DYNC2H1: variants seen among roughly 807,000 people sequenced by gnomAD.
DYNC2H1 encodes cytoplasmic dynein 2 heavy chain 1.
DYNC2H1 carries 410 observed loss-of-function variants against 570.0 expected under a neutral mutation model. That is an observed-to-expected ratio of 0.72 (90% confidence interval 0.66 to 0.78). The LOEUF (loss-of-function observed/expected upper bound fraction) is 0.78. Ranked by LOEUF, DYNC2H1 falls within the 30% of genes least tolerant of loss-of-function variation. DYNC2H1 has a pLI of 0.00. For missense variants in DYNC2H1, 4,865 were observed against 5,046.4 expected, an observed-to-expected ratio of 0.96 and a Z score of 1.09; for synonymous variants, 1,688 against 1,677.6, an observed-to-expected ratio of 1.01 and a Z score of -0.15.
At chr11:103,315,648 C>G (rs1034022681) in intron 79 of DYNC2H1, among the ~76,000 whole-genome samples, 2 of 151,970 alleles carry the variant, frequency 1.3e-5, no homozygotes, top group African/African-American at 4.8e-5. Context: ...GGGTGACTTT[C>G]CCTCTCCTCT....
chr11:103,392,929 G>A (rs951657231), intron 83 of DYNC2H1, among the ~76,000 whole-genome samples: 1 of 150,830 alleles, frequency 6.6e-6, no homozygotes, highest in Non-Finnish European at 1.5e-5. Context: ...TGTCACCCAG[G>A]CTGGAGTGCA....
chr11:103,251,998 C>A (rs1407452345), intron 65 of DYNC2H1, among the ~76,000 whole-genome samples: 1 of 151,914 alleles, frequency 6.6e-6, no homozygotes, highest in Non-Finnish European at 1.5e-5. Flanking sequence ...ATCCATAGTT[C>A]ACTGTAACCT....
intron 65 of DYNC2H1, among the ~76,000 whole-genome samples, chr11:103,248,874 C>A (rs1328699841): frequency 6.6e-6 from 1 of 151,878 alleles, no homozygotes; most frequent in Non-Finnish European, 1.5e-5. Context: ...CCGTTGTACA[C>A]GTTGACTGAA....
In DYNC2H1 at chr11:103,368,973, A is replaced by G. The variant is rs1414500008; in HGVS notation, c.12156+10614A>G. Reference sequence around the variant, plus strand: ...ACCCTGCAAGGATACCAATTTAACTATCTGCACACACAAAAACCACCTTTA... The same window carrying G: ...ACCCTGCAAGGATACCAATTTAACTGTCTGCACACACAAAAACCACCTTTA... On this transcript the variant is annotated intron_variant, in intron 83 of 88. Coordinates refer to ENST00000375735, the MANE Select transcript of DYNC2H1 (RefSeq NM_001377.3). Among the ~76,000 whole-genome samples the G allele has an allele frequency of 4.6e-5, 7 of 152,270 alleles. No individual in the cohort carries two copies. In the South Asian group the frequency reaches 1.2e-3, roughly 27 times the overall value.
In DYNC2H1 at chr11:103,444,583, A is replaced by G. The variant is rs546323387; in HGVS notation, c.12456+8551A>G. On this transcript the variant is annotated intron_variant, in intron 85 of 88. Coordinates refer to ENST00000375735, the MANE Select transcript of DYNC2H1 (RefSeq NM_001377.3). ...TGAAAATGAATTAAACTTTATTTCT[A>G]ATACATATAAGGATGCTGTAAAGCA... Among the ~76,000 whole-genome samples, 6 of 152,334 alleles carry G rather than the reference A, an allele frequency of 3.9e-5. No homozygotes were observed. In the South Asian group the frequency reaches 1.2e-3, roughly 32 times the overall value.
chr11:103,371,734 T>C (rs544642668), intron 83 of DYNC2H1, among the ~76,000 whole-genome samples: 185 of 152,244 alleles, frequency 1.2e-3, no homozygotes, highest in African/African-American at 4.3e-3. Context: ...AGAAATTTTC[T>C]TGATTTTATT....
At chr11:103,416,120 A>G (rs896484098) in intron 84 of DYNC2H1, among the ~76,000 whole-genome samples, 2 of 152,144 alleles carry the variant, frequency 1.3e-5, no homozygotes, top group Non-Finnish European at 2.9e-5. Context: ...TGGACACAGG[A>G]AGGGAACCAT....
At chr11:103,322,960 A>G (rs1323503957) in intron 81 of DYNC2H1, among the ~76,000 whole-genome samples, 1 of 152,216 alleles carries the variant, frequency 6.6e-6, no homozygotes, top group African/African-American at 2.4e-5. Flanking sequence ...ATTTCAAAGA[A>G]CAGCATGACT....
chr11:103,198,808 G>A (rs1862604053), intron 48 of DYNC2H1, among the ~76,000 whole-genome samples: 1 of 152,048 alleles, frequency 6.6e-6, no homozygotes. Context: ...TCATTCCCAA[G>A]CAATGCGAAA....
At chr11:103,470,618 A>G (rs564359908) in intron 88 of DYNC2H1, among the ~76,000 whole-genome samples, 7 of 152,118 alleles carry the variant, frequency 4.6e-5, no homozygotes, top group African/African-American at 1.4e-4. Context: ...TCCTGTGTCC[A>G]TGTGTTCTCA....
rs201767058 is a variant in DYNC2H1 at position 103,439,936 on chromosome 11, CTG to C, written c.12456+3908_12456+3909del. Among the ~76,000 whole-genome samples, 1,500 of 152,188 alleles carry C rather than the reference CTG, an allele frequency of 9.9e-3. 25 individuals carry two copies. The highest frequency in any genetic ancestry group is 0.034 in the African/African-American group (1,420 of 41,528). On this transcript the variant is annotated intron_variant, in intron 85 of 88. Coordinates refer to ENST00000375735, the MANE Select transcript of DYNC2H1 (RefSeq NM_001377.3). The surrounding 1 kb of genome is among the most constrained non-coding windows in gnomAD (Gnocchi z 4.1). ...GTTTCTTGTGTTCCTGATTTCCACT[CTG>C]TGTTTTCCCTTTGGCTTGTAGCGTA...
chr11:103,140,037 C>G (rs961790970), intron 17 of DYNC2H1, among the ~76,000 whole-genome samples: 51 of 152,014 alleles, frequency 3.4e-4, no homozygotes, highest in Non-Finnish European at 4.7e-4. Flanking sequence ...AGGATTGCAA[C>G]CCCTGCCTTT....
chr11:103,135,923 T>A lies in DYNC2H1; in HGVS notation c.2549T>A (p.Leu850Ter), dbSNP rs1205610948. 4.4e-6 allele frequency: 7 copies of A among 1,608,582 alleles called. No homozygotes were observed. The highest frequency in any genetic ancestry group is 5.1e-6 in the Non-Finnish European group (6 of 1,176,840). ...AAAGCAGAAGATCTGTTTAGAAGAT[T>A]GTCAGCTGTTTTACACCAACATAAG... ...FSKAEDLFRR[L>*]SAVLHQHKEW... The change falls in exon 17 of 89, where the codon TTG becomes TAG. Residue 850 changes from leucine to a stop codon, truncating the protein, a stop_gained. Transcript: ENST00000375735. LOFTEE classifies it high-confidence loss of function.
At chr11:103,341,108 T>C (rs549209609) in intron 82 of DYNC2H1, among the ~76,000 whole-genome samples, 3 of 152,260 alleles carry the variant, frequency 2.0e-5, no homozygotes, top group African/African-American at 7.2e-5. Context: ...AAAGCTGCTG[T>C]GTCCCATAAC....
intron 70 of DYNC2H1, among the ~76,000 whole-genome samples, chr11:103,262,389 C>CACAT (rs1234611454): frequency 2.0e-5 from 3 of 152,098 alleles, no homozygotes; most frequent in Non-Finnish European, 4.4e-5. Flanking sequence ...AACCCCAAGA[C>CACAT]ACATAATCAT....
chr11:103,295,039 G>A (rs1866762794), intron 75 of DYNC2H1, among the ~76,000 whole-genome samples: 1 of 152,154 alleles, frequency 6.6e-6, no homozygotes, highest in Non-Finnish European at 1.5e-5. Flanking sequence ...GTGGGCTGCT[G>A]CAATTGGTGT....
At chr11:103,316,458 G>A in intron 79 of DYNC2H1, 87 bp from the exon 80 acceptor site, 2 of 859,680 alleles carry the variant, frequency 2.3e-6, no homozygotes, top group Non-Finnish European at 3.5e-6. Context: ...AGTCTATATT[G>A]ATCATTTAAT....
At chr11:103,391,330 C>T (rs866571089) in intron 83 of DYNC2H1, among the ~76,000 whole-genome samples, 1 of 152,030 alleles carries the variant, frequency 6.6e-6, no homozygotes, top group Non-Finnish European at 1.5e-5. Flanking sequence ...GTTCTTATGC[C>T]CTGGTTTTCA....
chr11:103,134,519 T>A, intron 15 of DYNC2H1, 100 bp downstream of exon 15: 1 of 764,036 alleles, frequency 1.3e-6, no homozygotes. Flanking sequence ...AAGTTATCTT[T>A]AAATCTTACT....
Sources: gnomAD v4.1 joint callset for allele counts (sites outside exome capture counted in the v4.1 genomes callset) on GRCh38, gnomAD v4.1.1 for gene constraint, Gnocchi (gnomAD v3.1) non-coding constraint, MANE v1.5 for transcripts, NCBI Gene and HGNC (gene_info 2026-07-23, HGNC 2026-07-21) for gene names.